Variants in NOVA1 observed in about 807,000 individuals in gnomAD.
The protein encoded by NOVA1 is NOVA alternative splicing regulator 1, also known as RNA-binding protein Nova-1.
Under a neutral mutation model 38.0 loss-of-function variants are expected in NOVA1, and 7 were observed. The observed-to-expected ratio is 0.18, with a 90% confidence interval of 0.10 to 0.35. The LOEUF is 0.35. Among genes scored for constraint, NOVA1 ranks in the 10% least tolerant of loss-of-function variants. NOVA1 has a pLI of 1.00. For missense variants in NOVA1, 460 were observed against 616.0 expected (o/e 0.75, Z 2.68); for synonymous variants, 270 against 232.5 (o/e 1.16, Z -1.47).
chr14:26,495,498 T>G (rs1886695121), intron 2 of NOVA1, among the ~76,000 whole-genome samples: 1 of 152,188 alleles, frequency 6.6e-6, no homozygotes. Context: ...AGCTTTTTTT[T>G]GTTGTTGTTT....
chr14:26,552,906 G>A lies in NOVA1; in HGVS notation c.280+42504C>T, dbSNP rs570345712. On this transcript the variant is annotated intron_variant, in intron 2 of 4. Transcript: ENST00000539517. ...ACATACAGATGGCAGATGGTAGAAT[G>A]ATAGCAAAGCTCTGAGATAGGAACA... 2.6e-5 allele frequency among the ~76,000 whole-genome samples: 4 copies of A among 152,282 alleles called. 1 individual carries two copies. In the East Asian group the frequency reaches 7.7e-4, roughly 29 times the overall value.
intron 2 of NOVA1, among the ~76,000 whole-genome samples, chr14:26,499,599 T>C (rs1887100461): frequency 6.6e-6 from 1 of 152,122 alleles, no homozygotes; most frequent in African/African-American, 2.4e-5. Context: ...CTTTGACCAC[T>C]CAGTCTGGAG....
chr14:26,476,260 C>T (rs1884975362), intron 3 of NOVA1, among the ~76,000 whole-genome samples: 1 of 152,198 alleles, frequency 6.6e-6, no homozygotes, highest in South Asian at 2.1e-4. Flanking sequence ...TACCTACAAG[C>T]ACCCTAAGAG....
At chr14:26,515,365 A>C (rs373156117) in intron 2 of NOVA1, among the ~76,000 whole-genome samples, 2 of 152,022 alleles carry the variant, frequency 1.3e-5, no homozygotes, top group East Asian at 1.9e-4. Context: ...AAATTTTCTA[A>C]AACACTTATT....
At chr14:26,503,046 C>A (rs960136262) in intron 2 of NOVA1, among the ~76,000 whole-genome samples, 1 of 151,948 alleles carries the variant, frequency 6.6e-6, no homozygotes, top group African/African-American at 2.4e-5. Flanking sequence ...TAAGAGGATT[C>A]TTTTCCACAT....
At chr14:26,451,382 T>C (rs1475928706) in intron 4 of NOVA1, among the ~76,000 whole-genome samples, 1 of 152,096 alleles carries the variant, frequency 6.6e-6, no homozygotes, top group Admixed American at 6.5e-5. Flanking sequence ...TTATTTATTT[T>C]TGAGAGACGG....
At chr14:26,449,182 T>G (rs572815867) in intron 4 of NOVA1, among the ~76,000 whole-genome samples, 17 of 152,218 alleles carry the variant, frequency 1.1e-4, no homozygotes, top group African/African-American at 4.1e-4. Context: ...AGGTCAAAAT[T>G]ATTAAATAAA....
intron 4 of NOVA1, among the ~76,000 whole-genome samples, chr14:26,456,442 G>C (rs1159013125): frequency 1.3e-5 from 2 of 151,852 alleles, no homozygotes; most frequent in African/African-American, 4.8e-5. Flanking sequence ...AAATTATTTA[G>C]GGGGAAGTAA....
intron 1 of NOVA1, 160 bp downstream of exon 1, chr14:26,597,141 A>C: frequency 3.0e-6 from 2 of 677,330 alleles, no homozygotes; most frequent in Non-Finnish European, 3.9e-6. Context: ...GGTGCAGGGG[A>C]GGGGGCGCGG....
intron 2 of NOVA1, among the ~76,000 whole-genome samples, chr14:26,555,914 CA>C (rs1182043606): frequency 2.0e-5 from 3 of 151,824 alleles, no homozygotes; most frequent in Non-Finnish European, 2.9e-5. Flanking sequence ...GTTCTAACAC[CA>C]AAAAAATAGA....
chr14:26,461,870 T>A (rs1260423999), intron 4 of NOVA1, among the ~76,000 whole-genome samples: 1 of 149,016 alleles, frequency 6.7e-6, no homozygotes, highest in African/African-American at 2.5e-5. Flanking sequence ...AACCTGGGAG[T>A]GGGAGGTTCA....
intron 2 of NOVA1, among the ~76,000 whole-genome samples, chr14:26,528,320 C>A (rs1307876481): frequency 1.3e-5 from 2 of 152,138 alleles, no homozygotes; most frequent in Non-Finnish European, 2.9e-5. Flanking sequence ...GAGGTCACAA[C>A]TCCTATGGTA....
chr14:26,494,508 A>G (rs1886606494), intron 2 of NOVA1, among the ~76,000 whole-genome samples: 1 of 152,244 alleles, frequency 6.6e-6, no homozygotes, highest in Non-Finnish European at 1.5e-5. Context: ...GCAAAATGAC[A>G]GAGATACTGG....
chr14:26,552,765 T>A (rs1891238975), intron 2 of NOVA1, among the ~76,000 whole-genome samples: 2 of 152,040 alleles, frequency 1.3e-5, no homozygotes, highest in Non-Finnish European at 2.9e-5. Flanking sequence ...ATAAAGCAAG[T>A]GATGGGAAGA....
At chr14:26,501,522 A>G (rs1304041225) in intron 2 of NOVA1, among the ~76,000 whole-genome samples, 2 of 151,994 alleles carry the variant, frequency 1.3e-5, no homozygotes, top group Non-Finnish European at 2.9e-5. Flanking sequence ...AGCAATCAAC[A>G]GATTTGTTTT....
At chr14:26,586,819 A>G (rs893440580) in intron 2 of NOVA1, among the ~76,000 whole-genome samples, 6 of 151,082 alleles carry the variant, frequency 4.0e-5, no homozygotes, top group Non-Finnish European at 8.9e-5. Context: ...GTTAATGACC[A>G]AAGAGCATCC....
intron 2 of NOVA1, among the ~76,000 whole-genome samples, chr14:26,579,057 T>TC (rs1405636318): frequency 5.6e-4 from 74 of 131,716 alleles, no homozygotes; most frequent in African/African-American, 1.9e-3. Context: ...GGTATTCTTT[T>TC]TTTTTTTTTT....
chr14:26,504,692 T>C (rs1260089389), intron 2 of NOVA1, among the ~76,000 whole-genome samples: 2 of 152,090 alleles, frequency 1.3e-5, no homozygotes, highest in Non-Finnish European at 2.9e-5. Flanking sequence ...GACTTTTTAC[T>C]GTGATATCTT....
intron 2 of NOVA1, among the ~76,000 whole-genome samples, chr14:26,490,842 GTTTTT>G (rs71121880): frequency 7.1e-5 from 5 of 70,806 alleles, no homozygotes; most frequent in Non-Finnish European, 1.3e-4. Context: ...CATCTGGCTA[GTTTTT>G]TTTTTTTTTT....
Sources: gnomAD v4.1 joint callset for allele counts (sites outside exome capture counted in the v4.1 genomes callset) on GRCh38, gnomAD v4.1.1 for gene constraint, MANE v1.5 for transcripts, NCBI Gene and HGNC (gene_info 2026-07-23, HGNC 2026-07-21) for gene names.